WDR4: variants seen among roughly 807,000 people sequenced by gnomAD.
The protein encoded by WDR4 is tRNA (guanine-N(7)-)-methyltransferase non-catalytic subunit WDR4.
WDR4 carries 47 observed loss-of-function variants against 48.6 expected under a neutral mutation model. The observed-to-expected ratio is 0.97, with a 90% confidence interval of 0.77 to 1.23. The LOEUF (loss-of-function observed/expected upper bound fraction) is 1.23, where lower values mean the gene tolerates loss of function less well. Ranked by LOEUF, WDR4 falls within the 50% of genes most tolerant of loss-of-function variation. The pLI is 0.00. For synonymous variants in WDR4, 268 were observed against 230.0 expected, an observed-to-expected ratio of 1.17 and a Z score of -1.49; for missense variants, 606 against 551.6, an observed-to-expected ratio of 1.10 and a Z score of -0.99.
intron 1 of WDR4, among the ~76,000 whole-genome samples, chr21:42,877,393 C>T (rs1030096756): frequency 6.6e-6 from 1 of 151,680 alleles, no homozygotes; most frequent in African/African-American, 2.4e-5. Flanking sequence ...ATCTGCCCGC[C>T]TCAGCCTCCC....
At chr21:42,859,484 A>G (rs539971681) in intron 6 of WDR4, among the ~76,000 whole-genome samples, 178 bp downstream of exon 6, 24 of 152,086 alleles carry the variant, frequency 1.6e-4, no homozygotes, top group Middle Eastern at 6.8e-3. Context: ...CCCCACACGC[A>G]GTCCTGAGTG....
At chr21:42,882,971 C>T (rs529082899), upstream of WDR4, among the ~76,000 whole-genome samples, 437 of 152,076 alleles carry the variant, frequency 2.9e-3, 2 homozygotes, top group Middle Eastern at 0.01. Flanking sequence ...TGGTGGCGGA[C>T]GCCTGTAGTC....
chr21:42,850,326 G>A, intron 10 of WDR4, 84 bp from the exon 11 acceptor site: 4 of 1,302,132 alleles, frequency 3.1e-6, no homozygotes, highest in Non-Finnish European at 4.2e-6. Context: ...GCAGCAGGGA[G>A]TTACCTCGTG....
chr21:42,877,472 T>TAA lies in WDR4; in HGVS notation c.90-707_90-706dup, dbSNP rs34300654. Among the ~76,000 whole-genome samples the TAA allele has an allele frequency of 1.5e-3, 195 of 134,046 alleles. 1 individual carries two copies. Among genetic ancestry groups the TAA allele is most frequent in the Non-Finnish European group, 2.1e-3 (133 of 62,548 alleles). The allele number at this position is 134,046 out of a possible 152,430, so 87.9% of individuals were successfully genotyped here. A position where few individuals can be genotyped will look rare whatever the true frequency, so the allele number is the denominator to read the frequency against. ...AATGATTTTTAAAAGAGCACTTTGTTAAAAAAAAAAAAAAAAAGTTGATTT... is the reference window on the plus strand; with the variant it reads ...AATGATTTTTAAAAGAGCACTTTGTTAAAAAAAAAAAAAAAAAAAGTTGATTT... On this transcript the variant is annotated intron_variant, in intron 1 of 10. Coordinates refer to ENST00000398208, the MANE Select transcript of WDR4 (RefSeq NM_018669.6).
intron 9 of WDR4, 37 bp from the exon 10 acceptor site, chr21:42,852,361 G>A (rs2057855377): frequency 1.2e-6 from 2 of 1,608,972 alleles, no homozygotes; most frequent in East Asian, 2.2e-5. Flanking sequence ...ATCAGAAAGA[G>A]GCAGGCCTGG....
At chr21:42,874,247 G>A (rs534995682) in intron 2 of WDR4, among the ~76,000 whole-genome samples, 1 of 152,324 alleles carries the variant, frequency 6.6e-6, no homozygotes, top group Non-Finnish European at 1.5e-5. Context: ...AGATTTCATA[G>A]ACACTTATCA....
the WDR4 span, among the ~76,000 whole-genome samples, chr21:42,885,466 C>T: frequency 8.6e-5 from 13 of 152,030 alleles, no homozygotes; most frequent in South Asian, 2.1e-3. Context: ...CAAAATTAGC[C>T]GGGCATGGTG....
chr21:42,878,902 G>T, intron 1 of WDR4: 1 of 960,118 alleles, frequency 1.0e-6, no homozygotes, highest in Non-Finnish European at 1.2e-6. Context: ...GTGGATGCAG[G>T]CCGGGAAGAG....
the WDR4 span, among the ~76,000 whole-genome samples, chr21:42,885,055 C>T: frequency 2.6e-5 from 4 of 152,090 alleles, no homozygotes; most frequent in South Asian, 2.1e-4. Context: ...GGATTACAGG[C>T]GTGAACCAAC....
At chr21:42,885,983 G>A in the WDR4 span, among the ~76,000 whole-genome samples, 1 of 133,124 alleles carries the variant, frequency 7.5e-6, no homozygotes, top group Non-Finnish European at 1.6e-5. Context: ...TTTTGAGACA[G>A]TCTTGCTCTG....
chr21:42,872,183 C>T (rs1294807627), intron 3 of WDR4, among the ~76,000 whole-genome samples: 1 of 152,070 alleles, frequency 6.6e-6, no homozygotes, highest in Non-Finnish European at 1.5e-5. Flanking sequence ...GGGGTTTTGC[C>T]ATGTGGGCCA....
chr21:42,883,098 C>CAA (rs35978225), upstream of WDR4, among the ~76,000 whole-genome samples: 25,002 of 87,010 alleles, frequency 0.29, 4,836 homozygotes, highest in African/African-American at 0.5. Flanking sequence ...GACTCCGTCT[C>CAA]AAAAAAAAAA....
At chr21:42,864,842 T>C (rs1032456728) in intron 3 of WDR4, among the ~76,000 whole-genome samples, 3 of 152,162 alleles carry the variant, frequency 2.0e-5, no homozygotes, top group Admixed American at 6.5e-5. Flanking sequence ...TACATAGATA[T>C]GAGTTGTAGC....
At position 42,853,631 on chromosome 21, in the gene WDR4, C is replaced by A; in HGVS notation, c.913G>T (p.Val305Leu). The A allele has an allele frequency of 6.2e-7, 1 of 1,607,536 alleles. No homozygotes were observed. The highest frequency in any genetic ancestry group is 8.5e-7 in the Non-Finnish European group (1 of 1,178,018). Residue 305 changes from valine (V) to leucine (L), a missense_variant, in exon 9 of 11, where the codon GTG becomes TTG. Val to Leu is a conservative substitution (Grantham distance 32, BLOSUM62 1). Transcript: ENST00000398208. ...GGGGCTTCCTGGCAGTCCTGGAGCA[C>A]CCACAGCCCCTGGGTCTCCTCGAAA... ...VAFEETQGLW[V>L]LQDCQEAPLV...
At chr21:42,868,461 A>G (rs1601161482) in intron 3 of WDR4, among the ~76,000 whole-genome samples, 1 of 151,912 alleles carries the variant, frequency 6.6e-6, no homozygotes. Flanking sequence ...CTGCCCGCTC[A>G]CCCCCACCAC....
chr21:42,860,676 C>T (rs1472962972), intron 5 of WDR4, among the ~76,000 whole-genome samples: 1 of 152,276 alleles, frequency 6.6e-6, no homozygotes, highest in African/African-American at 2.4e-5. Context: ...CAGGACGCCC[C>T]GTGCAGAGGG....
At chr21:42,883,539 G>C (rs1476234541), upstream of WDR4, 1 of 153,580 alleles carries the variant, frequency 6.5e-6, no homozygotes. Flanking sequence ...ATTAAGTTAA[G>C]GATTGCAAAA....
chr21:42,876,771 A>C lies in WDR4; in HGVS notation c.90-4T>G, dbSNP rs923224743. ...GATGAAGAGGCTGTCATCATCACTA[A>C]AGAGAAATAACAATAATTTTAAAAG... On this transcript the variant is annotated splice_polypyrimidine_tract_variant and splice_region_variant and intron_variant, in intron 1 of 10. Transcript: ENST00000398208. 5 of 1,606,908 alleles carry C rather than the reference A, an allele frequency of 3.1e-6. No homozygotes were observed. The Admixed American group carries it at 8.6e-5, about 28-fold the overall frequency.
At chr21:42,874,650 CGA>C (rs1429962728) in intron 2 of WDR4, among the ~76,000 whole-genome samples, 20 of 151,230 alleles carry the variant, frequency 1.3e-4, no homozygotes, top group Non-Finnish European at 2.2e-4. Flanking sequence ...ATCTTCTGGT[CGA>C]GACTGTAGGG....
Sources: gnomAD v4.1 joint callset for allele counts (sites outside exome capture counted in the v4.1 genomes callset) on GRCh38, gnomAD v4.1.1 for gene constraint, MANE v1.5 for transcripts, NCBI Gene and HGNC (gene_info 2026-07-23, HGNC 2026-07-21) for gene names.